Variants in PTPRZ1 observed in about 807,000 individuals in gnomAD.
PTPRZ1 encodes the protein receptor-type tyrosine-protein phosphatase zeta.
PTPRZ1 carries 82 observed loss-of-function variants against 214.1 expected under a neutral mutation model. The observed-to-expected ratio is 0.38, with a 90% CI of 0.32 to 0.46. The LOEUF is 0.46. PTPRZ1 is among the 20% of genes least tolerant of loss of function. The pLI is 1.00. For missense variants in PTPRZ1, 2,603 were observed against 2,748.7 expected (o/e 0.95, Z 1.19); for synonymous variants, 945 against 987.9 (o/e 0.96, Z 0.81).
chr7:122,024,594 T>G (rs1249435024), intron 13 of PTPRZ1, among the ~76,000 whole-genome samples: 1 of 152,102 alleles, frequency 6.6e-6, no homozygotes, highest in Non-Finnish European at 1.5e-5. Flanking sequence ...CTATACTATT[T>G]TAATTTTTTT....
chr7:121,991,838 C>G (rs1797973784), intron 8 of PTPRZ1, among the ~76,000 whole-genome samples: 1 of 152,162 alleles, frequency 6.6e-6, no homozygotes, highest in Non-Finnish European at 1.5e-5. Flanking sequence ...TTACATTCAG[C>G]ATTTGTGTCA....
chr7:122,043,062 T>C (rs1249274397), intron 22 of PTPRZ1, among the ~76,000 whole-genome samples: 1 of 152,238 alleles, frequency 6.6e-6, no homozygotes, highest in Non-Finnish European at 1.5e-5. Context: ...CCTCCTCTTA[T>C]AAGCATACCA....
chr7:121,999,395 T>A (rs1798255202), intron 10 of PTPRZ1, among the ~76,000 whole-genome samples: 4 of 152,176 alleles, frequency 2.6e-5, no homozygotes. Context: ...ATGGCAACCA[T>A]CACCAAAGTT....
chr7:121,976,411 A>C, intron 5 of PTPRZ1, 143 bp downstream of exon 5: 1 of 550,922 alleles, frequency 1.8e-6, no homozygotes, highest in Non-Finnish European at 3.1e-6. Flanking sequence ...AAAAAAGATG[A>C]CCCTTGCCTG....
rs1488497146 is a variant in PTPRZ1 at position 122,044,427 on chromosome 7, A to G, written c.5943A>G (p.Gln1981=). Residue 1981 remains glutamine (Q), a synonymous_variant, in exon 23 of 30, where the codon CAA becomes CAG. Coordinates refer to ENST00000393386, the MANE Select transcript of PTPRZ1 (RefSeq NM_002851.3). ...QRNYLVQTEE[Q]YVFIHDTLVE... Reference sequence around the variant, plus strand: ...TATTGTCATTGTTTTGCCAGGAGCAATATGTCTTCATTCATGATACACTGG... The same window carrying G: ...TATTGTCATTGTTTTGCCAGGAGCAGTATGTCTTCATTCATGATACACTGG... 2.5e-6 allele frequency: 4 copies of G among 1,613,596 alleles called. No individual in the cohort carries two copies. The highest frequency in any genetic ancestry group is 1.3e-5 in the African/African-American group (1 of 74,888).
intron 3 of PTPRZ1, among the ~76,000 whole-genome samples, chr7:121,972,096 C>T (rs1448935198): frequency 6.6e-6 from 1 of 152,218 alleles, no homozygotes; most frequent in African/African-American, 2.4e-5. Flanking sequence ...GGATAAGCAG[C>T]AGCCTGATAA....
intron 4 of PTPRZ1, among the ~76,000 whole-genome samples, chr7:121,975,656 A>G (rs941951101): frequency 6.6e-6 from 1 of 152,226 alleles, no homozygotes; most frequent in African/African-American, 2.4e-5. Flanking sequence ...AGGCTGTTAC[A>G]GAGAGATACA....
At chr7:122,014,789 G>A (rs540581366) in intron 12 of PTPRZ1, among the ~76,000 whole-genome samples, 105 of 152,222 alleles carry the variant, frequency 6.9e-4, no homozygotes, top group Non-Finnish European at 1.1e-3. Flanking sequence ...ACTAAGTTTT[G>A]AGAGTTAATA....
rs199893308 is a variant in PTPRZ1 at position 122,013,330 on chromosome 7, T to C, written c.4284T>C (p.Asp1428=). Residue 1428 remains aspartate, a synonymous_variant, in exon 12 of 30, where the codon GAT becomes GAC. Coordinates refer to ENST00000393386, the MANE Select transcript of PTPRZ1 (RefSeq NM_002851.3). The stretch of plus-strand genomic sequence containing the variant: ...ACACTGATGATGATGGTGATGATGA[T>C]GATGATGACAGAGGTAGTGATGGCT... ...DGDTDDDGDD[D]DDDRGSDGLS... is the part of the protein sequence containing the mutation. The C allele has an allele frequency of 1.6e-5, 26 of 1,613,970 alleles. No individual in the cohort carries two copies. The highest frequency in any genetic ancestry group is 1.9e-5 in the Non-Finnish European group (23 of 1,179,986).
intron 1 of PTPRZ1, among the ~76,000 whole-genome samples, chr7:121,919,659 T>C (rs926918552): frequency 7.9e-5 from 12 of 152,106 alleles, no homozygotes; most frequent in Middle Eastern, 3.2e-3. Flanking sequence ...ATGTGTCAAG[T>C]ACAATTTAAT....
At position 121,976,216 on chromosome 7, in the gene PTPRZ1, A is replaced by C. The variant is rs1797429312; in HGVS notation, c.500A>C (p.Glu167Ala). Residue 167 changes from glutamate to alanine, a missense_variant, in exon 5 of 30, where the codon GAG becomes GCG. Coordinates refer to ENST00000393386, the MANE Select transcript of PTPRZ1 (RefSeq NM_002851.3). The part of the protein sequence containing the change: ...CFDADRFSSF[E>A]EAVKGKGKLR... ...GATGCGGACCGATTTTCAAGTTTTG[A>C]GGAAGCAGTCAAAGGAAAAGGGAAG... 6.2e-7 allele frequency: 1 copy of C among 1,609,212 alleles called. No homozygotes were observed. Among genetic ancestry groups the C allele is most frequent in the Non-Finnish European group, 8.5e-7 (1 of 1,176,926 alleles).
chr7:121,897,730 C>A (rs901390450), intron 1 of PTPRZ1, among the ~76,000 whole-genome samples: 4 of 152,228 alleles, frequency 2.6e-5, no homozygotes, highest in Non-Finnish European at 4.4e-5. Context: ...CAGCAGCTTT[C>A]TCTCCCTCCT....
At chr7:121,995,617 G>C (rs1329867633) in intron 8 of PTPRZ1, among the ~76,000 whole-genome samples, 1 of 152,136 alleles carries the variant, frequency 6.6e-6, no homozygotes, top group Non-Finnish European at 1.5e-5. Flanking sequence ...TACTTTTTCA[G>C]ATGAGACAAA....
Position 122,013,123 on chromosome 7 carries a change from A to G in PTPRZ1, c.4077A>G (p.Thr1359=), listed in dbSNP as rs61732006. ...FAGIPTVASD[T]FVSTDHSVPI... ...GTATTCCAACAGTTGCTTCTGATACATTTGTATCTACTGATCATTCTGTTC... is the reference window on the plus strand; with the variant it reads ...GTATTCCAACAGTTGCTTCTGATACGTTTGTATCTACTGATCATTCTGTTC... Residue 1359 remains threonine (T), a synonymous_variant, in exon 12 of 30, where the codon ACA becomes ACG. Coordinates refer to ENST00000393386, the MANE Select transcript of PTPRZ1 (RefSeq NM_002851.3). 129,478 of 1,613,874 alleles carry G rather than the reference A, an allele frequency of 0.08. 6,124 individuals carry two copies. Among genetic ancestry groups the G allele is most frequent in the East Asian group, 0.18 (8,299 of 44,878 alleles).
Position 121,959,932 on chromosome 7 carries a change from G to A in PTPRZ1, c.125-8019G>A, listed in dbSNP as rs529410901. Among the ~76,000 whole-genome samples, 4 of 152,318 alleles carry A rather than the reference G, an allele frequency of 2.6e-5. No individual in the cohort carries two copies. The South Asian group carries it at 8.3e-4, about 32-fold the overall frequency. ...CTTACAGTGTATGGAGCACTAAGTAGAGTTTATTCAAGGCAACTGGTGCTA... is the reference window on the plus strand; with the variant it reads ...CTTACAGTGTATGGAGCACTAAGTAAAGTTTATTCAAGGCAACTGGTGCTA... On this transcript the variant is annotated intron_variant, in intron 2 of 29. Coordinates refer to ENST00000393386, the MANE Select transcript of PTPRZ1 (RefSeq NM_002851.3).
intron 2 of PTPRZ1, among the ~76,000 whole-genome samples, chr7:121,938,177 TAACAAC>T (rs755054781): frequency 6.6e-6 from 1 of 152,014 alleles, no homozygotes; most frequent in Non-Finnish European, 1.5e-5. Flanking sequence ...ATAAATGTAA[TAACAAC>T]AACAACAAAA....
chr7:122,033,184 A>T (rs1799433568), intron 15 of PTPRZ1, among the ~76,000 whole-genome samples: 1 of 152,080 alleles, frequency 6.6e-6, no homozygotes, highest in African/African-American at 2.4e-5. Flanking sequence ...AGAAAATTTT[A>T]CATTAACTGA....
intron 2 of PTPRZ1, among the ~76,000 whole-genome samples, chr7:121,962,818 C>G (rs1266762385): frequency 6.6e-6 from 1 of 151,868 alleles, no homozygotes; most frequent in Admixed American, 6.6e-5. Context: ...CCCACCTCGG[C>G]CTCCCAAAGT....
intron 6 of PTPRZ1, among the ~76,000 whole-genome samples, chr7:121,981,059 G>A (rs1182632514): frequency 2.0e-5 from 3 of 151,778 alleles, no homozygotes; most frequent in East Asian, 1.9e-4. Context: ...GGAGAATGGC[G>A]TGAACCCTGG....
Sources: allele counts gnomAD v4.1 joint callset (sites outside exome capture counted in the v4.1 genomes callset), GRCh38; gene constraint gnomAD v4.1.1; transcripts MANE v1.5; gene names NCBI Gene and HGNC (gene_info 2026-07-23, HGNC 2026-07-21).